Variants in ANK1 observed in about 807,000 individuals in gnomAD.
ANK1 encodes ankyrin 1.
ANK1 carries 51 observed loss-of-function variants against 210.4 expected under a neutral mutation model. That is an observed-to-expected ratio of 0.24 (90% CI 0.19 to 0.31). The LOEUF is 0.31. Ranked by LOEUF, ANK1 falls within the 10% of genes least tolerant of loss-of-function variation. The pLI is 1.00. For synonymous variants in ANK1, 967 were observed against 1,025.9 expected (o/e 0.94, Z 1.10); for missense variants, 2,051 against 2,504.4 (o/e 0.82, Z 3.86).
intron 18 of ANK1, among the ~76,000 whole-genome samples, chr8:41,705,323 C>T (rs76321777): frequency 3.3e-5 from 5 of 152,348 alleles, no homozygotes; most frequent in African/African-American, 1.2e-4. Context: ...TCTCTCTGTG[C>T]AGGACCCCAA....
chr8:41,821,296 G>A (rs1319218334), intron 1 of ANK1, among the ~76,000 whole-genome samples: 1 of 152,088 alleles, frequency 6.6e-6, no homozygotes. Context: ...TATAGGAGTT[G>A]TAACATTTTC....
chr8:41,870,091 G>T (rs1815185741), intron 1 of ANK1, among the ~76,000 whole-genome samples: 1 of 151,962 alleles, frequency 6.6e-6, no homozygotes, highest in East Asian at 1.9e-4. Context: ...GCGGTTCAAG[G>T]ACCCCTCTGC....
At chr8:41,765,511 T>C (rs1841578998) in intron 1 of ANK1, among the ~76,000 whole-genome samples, 1 of 152,102 alleles carries the variant, frequency 6.6e-6, no homozygotes, top group Non-Finnish European at 1.5e-5. Flanking sequence ...CCTCCCAAAA[T>C]GCTGGGATTA....
chr8:41,690,496 T>A lies in ANK1; in HGVS notation c.3962A>T (p.Asn1321Ile). The change falls in exon 32 of 43, where the codon AAC becomes ATC. Residue 1321 changes from asparagine to isoleucine, a missense_variant. Coordinates refer to ENST00000289734, the MANE Select transcript of ANK1 (RefSeq NM_000037.4). ...RSFHFQSFRE[N>I]RLAMPVKVRD... ...CACCTTTACAGGCATGGCCAGACGG[T>A]TCTCCCGAAATGACTGGAAGTGGAA... The A allele has an allele frequency of 6.2e-7, 1 of 1,614,182 alleles. No individual in the cohort carries two copies. The highest frequency in any genetic ancestry group is 8.5e-7 in the Non-Finnish European group (1 of 1,180,018).
chr8:41,703,450 A>ATATATATATT (rs59985416), intron 20 of ANK1, among the ~76,000 whole-genome samples: 43 of 58,800 alleles, frequency 7.3e-4, no homozygotes, highest in South Asian at 1.3e-3. Context: ...ATATATATAT[A>ATATATATATT]TTTTTTTTTT....
At chr8:41,791,856 G>T (rs1586975597) in intron 1 of ANK1, among the ~76,000 whole-genome samples, 1 of 152,180 alleles carries the variant, frequency 6.6e-6, no homozygotes, top group Admixed American at 6.5e-5. Flanking sequence ...ACACCATGGG[G>T]GGCCCAGAGC....
At chr8:41,736,125 G>T (rs1833348995) in intron 2 of ANK1, among the ~76,000 whole-genome samples, 1 of 152,188 alleles carries the variant, frequency 6.6e-6, no homozygotes, top group Non-Finnish European at 1.5e-5. Flanking sequence ...GAGAAAGCTA[G>T]GTCAGAGCCA....
At chr8:41,770,235 G>A (rs1285379827) in intron 1 of ANK1, among the ~76,000 whole-genome samples, 1 of 151,920 alleles carries the variant, frequency 6.6e-6, no homozygotes, top group Admixed American at 6.6e-5. Context: ...TGCCCGCCTC[G>A]GCCTCCCATG....
intron 1 of ANK1, among the ~76,000 whole-genome samples, chr8:41,852,759 T>C (rs1419474606): frequency 1.3e-5 from 2 of 152,154 alleles, no homozygotes; most frequent in African/African-American, 4.8e-5. Context: ...GAGTCAGGAA[T>C]TCACCCAGGT....
chr8:41,773,768 C>A (rs917569581), intron 1 of ANK1, among the ~76,000 whole-genome samples: 5 of 152,148 alleles, frequency 3.3e-5, no homozygotes, highest in African/African-American at 4.8e-5. Context: ...CGAGAATCTA[C>A]AACAGGAAGA....
Position 41,702,342 on chromosome 8 carries a change from C to T in ANK1, c.2296-198G>A, listed in dbSNP as rs1004889796. On this transcript the variant is annotated intron_variant, in intron 20 of 42. Transcript: ENST00000289734. ...GTGTTAGCAGCAGCACCCACAGAGA[C>T]GGGTGTGGGAGGAGGGAGGGCAGCG... 5.3e-5 allele frequency among the ~76,000 whole-genome samples: 8 copies of T among 152,128 alleles called. No homozygotes were observed. In the South Asian group the frequency reaches 8.3e-4, roughly 16 times the overall value.
chr8:41,868,623 C>A (rs1814920680), intron 1 of ANK1, among the ~76,000 whole-genome samples: 1 of 152,224 alleles, frequency 6.6e-6, no homozygotes, highest in South Asian at 2.1e-4. Flanking sequence ...CCGGGAACCT[C>A]TTCCAGCAGA....
chr8:41,846,090 G>C (rs1254913359), intron 1 of ANK1, among the ~76,000 whole-genome samples: 1 of 152,266 alleles, frequency 6.6e-6, no homozygotes, highest in Non-Finnish European at 1.5e-5. Context: ...ACTGAGGGAT[G>C]CTGGCTGCCT....
chr8:41,890,708 CAAAAAA>C (rs557921949), intron 1 of ANK1, among the ~76,000 whole-genome samples: 40 of 63,026 alleles, frequency 6.3e-4, no homozygotes, highest in African/African-American at 1.7e-3. Flanking sequence ...GACTCCGTCT[CAAAAAA>C]AAAAAAAAAA....
chr8:41,697,559 C>T (rs2241897), intron 24 of ANK1, among the ~76,000 whole-genome samples: 50,217 of 151,688 alleles, frequency 0.33, 8,481 homozygotes, highest in Middle Eastern at 0.39. Context: ...CAGTGGAGCA[C>T]TCCCCCGCTC....
At chr8:41,678,048 G>A (rs932374892) in intron 37 of ANK1, among the ~76,000 whole-genome samples, 4 of 152,106 alleles carry the variant, frequency 2.6e-5, no homozygotes, top group East Asian at 1.9e-4. Context: ...AGTTGCTCAC[G>A]TGTTTCCTGT....
rs776824658 is a variant in ANK1 at position 41,724,487 on chromosome 8, T to C, written c.680A>G (p.Asn227Ser). ...TGTGAAATTGACGCTGGCTCCTCTGTTGAGGAGCAACTGGGCCACGTTGAG... is the reference window on the plus strand; with the variant it reads ...TGTGAAATTGACGCTGGCTCCTCTGCTGAGGAGCAACTGGGCCACGTTGAG... ...ENLNVAQLLL[N>S]RGASVNFTPQ... is the part of the protein sequence containing the mutation. The change falls in exon 7 of 43, where the codon AAC (asparagine) becomes AGC (serine). Residue 227 changes from asparagine (N) to serine (S), a missense_variant. Physicochemically the swap from Asn to Ser is conservative, Grantham distance 46. This residue lies in a region of ANK1 where 1,413 missense variants were observed against 1,707.4 expected (regional missense o/e 0.83). Transcript: ENST00000289734. 1.3e-6 allele frequency: 2 copies of C among 1,597,126 alleles called. No individual in the cohort carries two copies. Among genetic ancestry groups the C allele is most frequent in the Admixed American group, 3.5e-5 (2 of 57,958 alleles).
intron 42 of ANK1, among the ~76,000 whole-genome samples, chr8:41,657,837 G>A (rs1806307172): frequency 6.6e-6 from 1 of 152,146 alleles, no homozygotes. Context: ...CTTCTCCTGG[G>A]TCCCCTCACC....
chr8:41,873,101 C>G (rs1165869929), intron 1 of ANK1, among the ~76,000 whole-genome samples: 1 of 152,224 alleles, frequency 6.6e-6, no homozygotes, highest in African/African-American at 2.4e-5. Flanking sequence ...GCTCTCTCCC[C>G]ATTACCGTTT....
Sources: allele counts gnomAD v4.1 joint callset (sites outside exome capture counted in the v4.1 genomes callset), GRCh38; gene constraint gnomAD v4.1.1; regional missense constraint gnomAD v4.1.1; transcripts MANE v1.5; gene names NCBI Gene and HGNC (gene_info 2026-07-23, HGNC 2026-07-21).